Variants in PDLIM2 observed in about 807,000 individuals in gnomAD.
The protein encoded by PDLIM2 is PDZ and LIM domain protein 2.
Under a neutral mutation model 54.1 loss-of-function variants are expected in PDLIM2, and 51 were observed. The ratio of observed to expected loss-of-function variants is 0.94; its 90% CI spans 0.75 to 1.19. PDLIM2 has a LOEUF of 1.19. Among genes scored for constraint, PDLIM2 ranks in the 50% most tolerant of loss-of-function variants. The pLI, the probability that PDLIM2 is intolerant of heterozygous loss-of-function variation, is 0.00. For missense variants in PDLIM2, 912 were observed against 874.0 expected (o/e 1.04, Z -0.55); for synonymous variants, 398 against 385.6 (o/e 1.03, Z -0.38).
chr8:22,584,090 C>G (rs928220650), intron 3 of PDLIM2, among the ~76,000 whole-genome samples: 6 of 151,902 alleles, frequency 3.9e-5, no homozygotes, highest in Non-Finnish European at 8.8e-5. Flanking sequence ...TAACCTCTGC[C>G]TCCCTGGGTC....
intron 6 of PDLIM2, among the ~76,000 whole-genome samples, chr8:22,586,912 C>T (rs779373253): frequency 8.5e-5 from 13 of 152,162 alleles, no homozygotes; most frequent in South Asian, 4.1e-4. Context: ...TTGTGGGTCA[C>T]GAGCCCAGAG....
chr8:22,580,808 T>A, intron 2 of PDLIM2, 111 bp downstream of exon 1: 2 of 1,172,286 alleles, frequency 1.7e-6, no homozygotes, highest in Non-Finnish European at 2.5e-6. Flanking sequence ...GCTAGGGATC[T>A]GCTGCTGCCT....
At chr8:22,585,354 C>A (rs368539331) in exon 6 of PDLIM2, 2 of 1,612,434 alleles carry the variant, frequency 1.2e-6, no homozygotes, top group African/African-American at 1.3e-5. Flanking sequence ...CGGGCCTCCC[C>A]GCTGCTGACC....
At chr8:22,585,044 C>G (rs1164209828) in exon 5 of PDLIM2, 2 of 1,614,048 alleles carry the variant, frequency 1.2e-6, no homozygotes, top group East Asian at 4.5e-5. Flanking sequence ...CACTGAGAGT[C>G]AGTCCTCCTT....
intron 1 of PDLIM2, chr8:22,580,545 A>G (rs1800156914): frequency 3.7e-6 from 6 of 1,611,840 alleles, no homozygotes; most frequent in Non-Finnish European, 4.2e-6. Context: ...GCTGCCTTAC[A>G]GTGCCCCCAG....
intron 3 of PDLIM2, among the ~76,000 whole-genome samples, chr8:22,581,896 G>A (rs1800215334): frequency 1.3e-5 from 2 of 152,246 alleles, no homozygotes; most frequent in Non-Finnish European, 1.5e-5. Context: ...AGGTATGCCC[G>A]AGGCTGCATC....
At chr8:22,584,370 A>G (rs4872517) in intron 3 of PDLIM2, among the ~76,000 whole-genome samples, 83,881 of 151,568 alleles carry the variant, frequency 0.55, 23,460 homozygotes, top group Admixed American at 0.62. Context: ...AGGCAGTGGC[A>G]CAATCACGGC....
intron 6 of PDLIM2, 44 bp from the exon 6 acceptor site, chr8:22,589,254 A>AAGGCTCTGGCCCT: frequency 6.5e-7 from 1 of 1,530,800 alleles, no homozygotes; most frequent in Non-Finnish European, 8.7e-7. Flanking sequence ...GTGTTGGCCC[A>AAGGCTCTGGCCCT]AGGCTCTGGC....
chr8:22,587,559 G>T (rs964217016), intron 6 of PDLIM2, among the ~76,000 whole-genome samples: 1 of 152,012 alleles, frequency 6.6e-6, no homozygotes, highest in Non-Finnish European at 1.5e-5. Flanking sequence ...CACACATTTC[G>T]AGAGGTGTTG....
exon 9 of PDLIM2, chr8:22,591,574 A>G (rs776817082): frequency 1.2e-6 from 2 of 1,613,606 alleles, no homozygotes; most frequent in Admixed American, 1.7e-5. Flanking sequence ...CTTCTTGCCC[A>G]GCTCACTGAG....
intron 3 of PDLIM2, among the ~76,000 whole-genome samples, 182 bp downstream of exon 2, chr8:22,581,712 G>T (rs945656075): frequency 1.3e-5 from 2 of 152,238 alleles, no homozygotes; most frequent in African/African-American, 4.8e-5. Flanking sequence ...GGGCTGAGGG[G>T]TGTTCCCATG....
chr8:22,595,961 G>GTT (rs74392767), downstream of PDLIM2: 53 of 143,910 alleles, frequency 3.7e-4, no homozygotes, highest in South Asian at 6.7e-4. Context: ...TAATTTTTAA[G>GTT]TTTTTTTTTT....
At chr8:22,579,701 A>G (rs1303632284) in intron 1 of PDLIM2, 2 of 775,094 alleles carry the variant, frequency 2.6e-6, no homozygotes, top group African/African-American at 3.7e-5. Context: ...CAGCCCCAGG[A>G]TGGGTGCTGG....
chr8:22,592,319 T>C (rs2117369088), intron 9 of PDLIM2: 1 of 152,240 alleles, frequency 6.6e-6, no homozygotes, highest in South Asian at 2.1e-4. Flanking sequence ...TGACCTTAGG[T>C]GATCCGCCTG....
chr8:22,593,999 C>T (rs948415776), exon 10 of PDLIM2: 7 of 1,476,928 alleles, frequency 4.7e-6, no homozygotes, highest in South Asian at 2.7e-5. Flanking sequence ...GGCAGTTGCT[C>T]TTACATGAGC....
chr8:22,584,500 G>A (rs1375093189), intron 3 of PDLIM2, among the ~76,000 whole-genome samples: 2 of 152,162 alleles, frequency 1.3e-5, no homozygotes, highest in African/African-American at 4.8e-5. Flanking sequence ...TAGTAGTCAT[G>A]AGGTCTTCCT....
chr8:22,579,186 G>A lies in PDLIM2; in HGVS notation c.407G>A (p.Arg136Gln), dbSNP rs371762188. 9 of 1,380,838 alleles carry A rather than the reference G, an allele frequency of 6.5e-6. No individual in the cohort carries two copies. The East Asian group carries it at 9.3e-5, about 14-fold the overall frequency. The allele number at this position is 1,380,838 out of a possible 1,614,324, so 85.5% of individuals were successfully genotyped here. A position where few individuals can be genotyped will look rare whatever the true frequency, so the allele number is the denominator to read the frequency against. ...CGTCTCCCCGCCTTCCCTCCCTCCCGGGCCTGGGCGCCCAGCCGGACAGGT... is the reference window on the plus strand; with the variant it reads ...CGTCTCCCCGCCTTCCCTCCCTCCCAGGCCTGGGCGCCCAGCCGGACAGGT... Residue 136 changes from arginine (R) to glutamine (Q), a missense_variant, in exon 1 of 10, where the codon CGG (arginine) becomes CAG (glutamine). By Grantham distance (43) the Arg-to-Gln change is conservative. Transcript: ENST00000308354.
chr8:22,589,580 G>A lies in PDLIM2; in HGVS notation c.1368-16G>A, dbSNP rs756703370. The A allele has an allele frequency of 6.3e-7, 1 of 1,599,434 alleles. No homozygotes were observed. Among genetic ancestry groups the A allele is most frequent in the Admixed American group, 1.7e-5 (1 of 58,998 alleles). ...CGGCACGGGACCCTCATTCCTGGCTGCCTCCCACCCTGCAGCATGGACTCG... is the reference window on the plus strand; with the variant it reads ...CGGCACGGGACCCTCATTCCTGGCTACCTCCCACCCTGCAGCATGGACTCG... On this transcript the variant is annotated splice_polypyrimidine_tract_variant and intron_variant, in intron 7 of 9. Transcript: ENST00000308354.
rs1352622868 is a variant in PDLIM2 at position 22,579,102 on chromosome 8, G to C, written c.323G>C (p.Gly108Ala). Residue 108 changes from glycine to alanine, a missense_variant, in exon 1 of 10, where the codon GGT becomes GCT. Gly to Ala is a moderately conservative substitution (Grantham distance 60). Coordinates refer to ENST00000308354, the Ensembl canonical transcript of PDLIM2. ...CCCGGGATCACATGGGCGGAGGCAGGTCCGGGAGCCCCGGGCGGGCTCTCC... is the reference window on the plus strand; with the variant it reads ...CCCGGGATCACATGGGCGGAGGCAGCTCCGGGAGCCCCGGGCGGGCTCTCC... 2.4e-6 allele frequency: 3 copies of C among 1,273,458 alleles called. No homozygotes were observed. Among genetic ancestry groups the C allele is most frequent in the Admixed American group, 8.4e-5 (2 of 23,720 alleles). 78.9% of individuals were successfully genotyped at this position (1,273,458 alleles called of 1,614,324 possible). A position where few individuals can be genotyped will look rare whatever the true frequency, so the allele number is the denominator to read the frequency against.
Sources: gnomAD v4.1 joint callset for allele counts (sites outside exome capture counted in the v4.1 genomes callset) on GRCh38, gnomAD v4.1.1 for gene constraint, MANE v1.5 for transcripts, NCBI Gene and HGNC (gene_info 2026-07-23, HGNC 2026-07-21) for gene names.